Variants in TEC observed in about 807,000 individuals in gnomAD.
TEC encodes tyrosine-protein kinase Tec.
In TEC, 72 loss-of-function variants were observed where a neutral mutation model predicts 93.0. The observed-to-expected ratio is 0.77, with a 90% CI of 0.64 to 0.94. The LOEUF is 0.94. Among genes scored for constraint, TEC ranks in the 40% least tolerant of loss-of-function variants. The pLI is 0.00. For synonymous variants in TEC, 249 were observed against 247.7 expected (o/e 1.01, Z -0.05); for missense variants, 630 against 757.9 (o/e 0.83, Z 1.98).
intron 2 of TEC, among the ~76,000 whole-genome samples, chr4:48,197,269 T>C (rs1360856460): frequency 6.6e-6 from 1 of 152,216 alleles, no homozygotes; most frequent in African/African-American, 2.4e-5. Flanking sequence ...GGGTCCCAGC[T>C]CTGCCACATG....
chr4:48,255,236 C>T (rs948147180), intron 1 of TEC, among the ~76,000 whole-genome samples: 3 of 152,174 alleles, frequency 2.0e-5, no homozygotes, highest in Non-Finnish European at 4.4e-5. Context: ...TGTATTGCGG[C>T]TTCCTCCATG....
At chr4:48,261,252 A>G (rs2109679186) in intron 1 of TEC, among the ~76,000 whole-genome samples, 1 of 152,250 alleles carries the variant, frequency 6.6e-6, no homozygotes, top group East Asian at 1.9e-4. Flanking sequence ...CTAAATTTAC[A>G]TGTCTGACAG....
chr4:48,238,209 G>A (rs1173190640), intron 1 of TEC, among the ~76,000 whole-genome samples: 1 of 152,152 alleles, frequency 6.6e-6, no homozygotes, highest in African/African-American at 2.4e-5. Context: ...ATGTTTTCGT[G>A]CTCAGAAGGA....
intron 1 of TEC, among the ~76,000 whole-genome samples, chr4:48,248,048 T>A (rs1253364558): frequency 6.6e-6 from 1 of 152,116 alleles, no homozygotes; most frequent in African/African-American, 2.4e-5. Flanking sequence ...CTGAACACAG[T>A]CAATTAGCCT....
At chr4:48,188,606 A>ATATG (rs1382329073) in intron 2 of TEC, among the ~76,000 whole-genome samples, 4 of 152,266 alleles carry the variant, frequency 2.6e-5, no homozygotes, top group South Asian at 2.1e-4. Flanking sequence ...TCATACAAGC[A>ATATG]TATGTATGTA....
intron 2 of TEC, among the ~76,000 whole-genome samples, chr4:48,208,764 A>G (rs1035488804): frequency 2.0e-5 from 3 of 152,180 alleles, no homozygotes; most frequent in Non-Finnish European, 4.4e-5. Context: ...TAGAAGGTAA[A>G]TTCCAGGACA....
intron 1 of TEC, among the ~76,000 whole-genome samples, chr4:48,245,992 C>G (rs1250120067): frequency 6.6e-6 from 1 of 151,968 alleles, no homozygotes; most frequent in African/African-American, 2.4e-5. Context: ...ACCTGTAATC[C>G]CAGCTACTCG....
intron 7 of TEC, among the ~76,000 whole-genome samples, chr4:48,166,524 CTT>C (rs1720880001): frequency 6.6e-6 from 1 of 151,224 alleles, no homozygotes; most frequent in Non-Finnish European, 1.5e-5. Flanking sequence ...TTTTTTAAGT[CTT>C]TAGAATTTAG....
intron 14 of TEC, among the ~76,000 whole-genome samples, chr4:48,142,833 A>C (rs1045732534): frequency 1.3e-5 from 2 of 152,054 alleles, no homozygotes; most frequent in Non-Finnish European, 2.9e-5. Flanking sequence ...GGCGTCTGCC[A>C]CCACGCCTGG....
rs1457600081 is a variant in TEC at position 48,228,583 on chromosome 4, A to G, written c.32T>C (p.Leu11Pro). The G allele has an allele frequency of 6.2e-7, 1 of 1,613,816 alleles. No individual in the cohort carries two copies. Among genetic ancestry groups the G allele is most frequent in the East Asian group, 2.2e-5 (1 of 44,848 alleles). Residue 11 changes from leucine (L) to proline (P), a missense_variant, in exon 2 of 18, where the codon CTT (leucine) becomes CCT (proline). Leu to Pro is a moderately conservative substitution (Grantham distance 98). Transcript: ENST00000381501. MNFNTILEEI[L>P]IKRSQQKKKT... The stretch of plus-strand genomic sequence containing the variant: ...CTTTTTCTGCTGTGACCTTTTAATA[A>G]GAATCTCCTCCAAAATAGTGTTAAA...
At chr4:48,239,910 A>T (rs373753790) in intron 1 of TEC, among the ~76,000 whole-genome samples, 3 of 151,978 alleles carry the variant, frequency 2.0e-5, no homozygotes, top group African/African-American at 7.2e-5. Flanking sequence ...GTTCATCGGT[A>T]ATATTTGTTT....
chr4:48,243,119 A>G (rs1412827773), intron 1 of TEC, among the ~76,000 whole-genome samples: 1 of 152,116 alleles, frequency 6.6e-6, no homozygotes, highest in Non-Finnish European at 1.5e-5. Flanking sequence ...TTTTTAATCT[A>G]TTTCCTGAGA....
At chr4:48,144,934 G>A (rs1719840450) in intron 14 of TEC, 145 bp downstream of exon 14, 1 of 678,632 alleles carries the variant, frequency 1.5e-6, no homozygotes, top group Non-Finnish European at 2.6e-6. Context: ...AAATTACAGG[G>A]CAAGTTAAAT....
intron 7 of TEC, 29 bp from the exon 8 acceptor site, chr4:48,163,796 A>C: frequency 8.2e-7 from 1 of 1,223,126 alleles, no homozygotes; most frequent in Non-Finnish European, 1.1e-6. Context: ...CTTTAGGTAA[A>C]CTTACTTTAC....
intron 8 of TEC, among the ~76,000 whole-genome samples, chr4:48,159,381 G>A (rs1217812265): frequency 6.6e-6 from 1 of 151,942 alleles, no homozygotes; most frequent in Non-Finnish European, 1.5e-5. Flanking sequence ...GAAGAGAGAG[G>A]CACCTGGCTC....
At chr4:48,198,716 C>A (rs1173035344) in intron 2 of TEC, among the ~76,000 whole-genome samples, 1 of 151,914 alleles carries the variant, frequency 6.6e-6, no homozygotes, top group African/African-American at 2.4e-5. Flanking sequence ...TTAAAAGGCC[C>A]CAGCTGGAAA....
intron 9 of TEC, among the ~76,000 whole-genome samples, chr4:48,152,734 C>T (rs777076645): frequency 6.6e-6 from 1 of 152,114 alleles, no homozygotes; most frequent in African/African-American, 2.4e-5. Context: ...ATCTGCCTCT[C>T]ACTGTAGGGT....
chr4:48,234,612 T>G (rs529882637), intron 1 of TEC, among the ~76,000 whole-genome samples: 1 of 152,184 alleles, frequency 6.6e-6, no homozygotes, highest in South Asian at 2.1e-4. Flanking sequence ...AACAAAAAAT[T>G]GTTTAGAAAA....
chr4:48,242,042 T>C lies in TEC; in HGVS notation c.-45-13383A>G, dbSNP rs181797159. Among the ~76,000 whole-genome samples, 34 of 152,320 alleles carry C rather than the reference T, an allele frequency of 2.2e-4. No homozygotes were observed. The East Asian group carries it at 6.2e-3, about 28-fold the overall frequency. On this transcript the variant is annotated intron_variant, in intron 1 of 17. Coordinates refer to ENST00000381501, the MANE Select transcript of TEC (RefSeq NM_003215.3). The stretch of plus-strand genomic sequence containing the variant: ...GTACCTTAAAAACAACGCATGACAT[T>C]ACAATCTATTAAGGACTTTAAAAGT...
Sources: gnomAD v4.1 joint callset for allele counts (sites outside exome capture counted in the v4.1 genomes callset) on GRCh38, gnomAD v4.1.1 for gene constraint, MANE v1.5 for transcripts, NCBI Gene and HGNC (gene_info 2026-07-23, HGNC 2026-07-21) for gene names.